MAN2A1: variants seen among roughly 807,000 people sequenced by gnomAD.
MAN2A1 encodes mannosidase alpha class 2A member 1, also known as alpha-mannosidase 2.
A neutral mutation model predicts 142.6 loss-of-function variants in MAN2A1; 76 were observed. That is an observed-to-expected ratio of 0.53 (90% CI 0.44 to 0.65). The LOEUF is 0.65. MAN2A1 is among the 30% of genes least tolerant of loss of function. The pLI is 0.00. For missense variants in MAN2A1, 1,311 were observed against 1,365.1 expected (o/e 0.96, Z 0.62); for synonymous variants, 559 against 473.2 (o/e 1.18, Z -2.35).
intron 1 of MAN2A1, among the ~76,000 whole-genome samples, chr5:109,710,279 T>C (rs1302391398): frequency 6.6e-6 from 1 of 152,198 alleles, no homozygotes; most frequent in East Asian, 1.9e-4. Flanking sequence ...ATGTTTATTT[T>C]GAATAATACT....
At chr5:109,708,397 G>T (rs889973288) in intron 1 of MAN2A1, among the ~76,000 whole-genome samples, 1 of 151,986 alleles carries the variant, frequency 6.6e-6, no homozygotes, top group African/African-American at 2.4e-5. Flanking sequence ...GGGGGATAAT[G>T]AGTAGAGAGA....
rs746060867 is a variant in MAN2A1, at chr5:109,770,403, G to A, written c.1058G>A (p.Ser353Asn). The A allele has an allele frequency of 2.5e-6, 4 of 1,613,996 alleles. No individual in the cohort carries two copies. The highest frequency in any genetic ancestry group is 3.4e-6 in the Non-Finnish European group (4 of 1,179,910). The change falls in exon 7 of 22, where the codon AGC becomes AAC. Residue 353 changes from serine (S) to asparagine (N), a missense_variant. This residue lies in a region of MAN2A1 where 12 missense variants were observed against 31.9 expected (regional missense o/e 0.38). Coordinates refer to ENST00000261483, the MANE Select transcript of MAN2A1 (RefSeq NM_002372.4). ...DILCHMMPFY[S>N]YDIPHTCGPD... ...TTATGCCACATGATGCCCTTCTACA[G>A]CTATGACATCCCTCACACTTGTGGA...
At chr5:109,841,133 C>G (rs1755192024) in intron 16 of MAN2A1, among the ~76,000 whole-genome samples, 1 of 152,086 alleles carries the variant, frequency 6.6e-6, no homozygotes, top group Admixed American at 6.5e-5. Context: ...TGTAATATCT[C>G]TCTCGCACCG....
chr5:109,846,174 C>T (rs1755340408), intron 18 of MAN2A1, among the ~76,000 whole-genome samples, 168 bp downstream of exon 18: 1 of 152,116 alleles, frequency 6.6e-6, no homozygotes, highest in Non-Finnish European at 1.5e-5. Context: ...TTTGTGAGAA[C>T]AACATAAAAA....
intron 4 of MAN2A1, among the ~76,000 whole-genome samples, chr5:109,730,762 C>A (rs1229853970): frequency 1.3e-5 from 2 of 152,082 alleles, no homozygotes; most frequent in African/African-American, 4.8e-5. Flanking sequence ...CAATTGTTAT[C>A]ATTGTTTTAC....
chr5:109,814,470 G>A (rs1259601577), intron 12 of MAN2A1, among the ~76,000 whole-genome samples: 1 of 152,148 alleles, frequency 6.6e-6, no homozygotes, highest in Non-Finnish European at 1.5e-5. Context: ...ATAGATAGGA[G>A]TTCGTGTGTC....
At chr5:109,712,686 G>C (rs534252148) in intron 1 of MAN2A1, among the ~76,000 whole-genome samples, 2 of 152,214 alleles carry the variant, frequency 1.3e-5, no homozygotes, top group Admixed American at 1.3e-4. Flanking sequence ...ACAGGGGCCC[G>C]TATCTTATGC....
chr5:109,855,108 A>G (rs780350226), intron 19 of MAN2A1, 32 bp from the exon 20 acceptor site: 9 of 1,223,658 alleles, frequency 7.4e-6, no homozygotes, highest in Middle Eastern at 2.0e-4. Context: ...GGAAATATAG[A>G]CCTCTTAAAC....
chr5:109,727,087 G>A (rs1421229179), intron 3 of MAN2A1, among the ~76,000 whole-genome samples: 1 of 152,160 alleles, frequency 6.6e-6, no homozygotes, highest in Non-Finnish European at 1.5e-5. Flanking sequence ...GTTGATATTT[G>A]ATAAAATAAA....
chr5:109,834,049 G>A (rs1350861322), intron 16 of MAN2A1, among the ~76,000 whole-genome samples: 1 of 152,168 alleles, frequency 6.6e-6, no homozygotes, highest in African/African-American at 2.4e-5. Flanking sequence ...AAGAAATAGA[G>A]TGGTGGAAAA....
At position 109,867,154 on chromosome 5, in the gene MAN2A1, T is replaced by TAAC; in HGVS notation, c.*158_*159insCAA. The stretch of plus-strand genomic sequence containing the variant: ...TTTCTTTTTTCTTTTACCAGTACAG[T>TAAC]AAGAAAAAAAAAAAAAAAAAAAAAG... On this transcript the variant is annotated 3_prime_UTR_variant, in exon 22 of 22. Transcript: ENST00000261483. 1 of 104,696 alleles carries TAAC rather than the reference T, an allele frequency of 9.6e-6. No individual in the cohort carries two copies. Among genetic ancestry groups the TAAC allele is most frequent in the Non-Finnish European group, 1.7e-5 (1 of 59,882 alleles). The allele number at this position is 104,696 out of a possible 1,614,324, so 6.5% of individuals were successfully genotyped here.
intron 1 of MAN2A1, among the ~76,000 whole-genome samples, chr5:109,702,393 GGAGA>G (rs778722087): frequency 1.1e-4 from 16 of 150,736 alleles, no homozygotes; most frequent in Non-Finnish European, 2.2e-4. Flanking sequence ...TGGTGGAGAG[GGAGA>G]GAGAGATTTA....
chr5:109,868,430 T>C lies in MAN2A1; in HGVS notation c.*1432T>C, dbSNP rs975297757. The C allele has an allele frequency of 1.3e-5, 2 of 152,228 alleles. No individual in the cohort carries two copies. Among genetic ancestry groups the C allele is most frequent in the Admixed American group, 6.5e-5 (1 of 15,284 alleles). 9.4% of individuals were successfully genotyped at this position (152,228 alleles called of 1,614,324 possible). ...TGCAATTTTAGCATAGAAAGGAGTCTTTGAGTATGTACAGTTTTGAAAATT... is the reference window on the plus strand; with the variant it reads ...TGCAATTTTAGCATAGAAAGGAGTCCTTGAGTATGTACAGTTTTGAAAATT... On this transcript the variant is annotated 3_prime_UTR_variant, in exon 22 of 22. Coordinates refer to ENST00000261483, the MANE Select transcript of MAN2A1 (RefSeq NM_002372.4).
chr5:109,866,989 G>C lies in MAN2A1; in HGVS notation c.3426G>C (p.Gln1142His), dbSNP rs1399515351. Residue 1142 changes from glutamine (Q) to histidine (H), a missense_variant, in exon 22 of 22, where the codon CAG becomes CAC. Gln to His is a conservative substitution (Grantham distance 24). Coordinates refer to ENST00000261483, the MANE Select transcript of MAN2A1 (RefSeq NM_002372.4). ...SPMEISTFRI[Q>H]LR ...TGGAAATCAGCACATTCCGAATCCA[G>C]TTGAGGTGAACCTGACTTTCACATT... 4 of 1,607,594 alleles carry C rather than the reference G, an allele frequency of 2.5e-6. No individual in the cohort carries two copies. The African/African-American group carries it at 4.0e-5, about 16-fold the overall frequency.
intron 17 of MAN2A1, among the ~76,000 whole-genome samples, chr5:109,844,840 G>A (rs1455460716): frequency 1.3e-5 from 2 of 152,132 alleles, no homozygotes; most frequent in African/African-American, 4.8e-5. Context: ...CATTAGGTTA[G>A]GTCCCAACAT....
rs766611241 is a variant in MAN2A1 at position 109,823,857 on chromosome 5, G to A, written c.2566+20G>A. 2.5e-6 allele frequency: 3 copies of A among 1,214,920 alleles called. No individual in the cohort carries two copies. The highest frequency in any genetic ancestry group is 5.0e-5 in the East Asian group (2 of 39,742). The allele number at this position is 1,214,920 out of a possible 1,614,324, so 75.3% of individuals were successfully genotyped here. ...TACAGGGTAAGAAAATAGGAATGCA[G>A]TTATGAAACATATGTATTATGGTTT... is the stretch of plus-strand genomic sequence containing the variant. On this transcript the variant is annotated intron_variant, in intron 16 of 21. Coordinates refer to ENST00000261483, the MANE Select transcript of MAN2A1 (RefSeq NM_002372.4).
intron 1 of MAN2A1, among the ~76,000 whole-genome samples, chr5:109,692,936 A>G (rs377705612): frequency 1.3e-5 from 2 of 152,088 alleles, no homozygotes; most frequent in African/African-American, 2.4e-5. Context: ...TCGTGCTCCT[A>G]TGAGAATCTA....
At chr5:109,695,920 G>A (rs1750798624) in intron 1 of MAN2A1, among the ~76,000 whole-genome samples, 1 of 152,150 alleles carries the variant, frequency 6.6e-6, no homozygotes. Context: ...TAATTGTACT[G>A]AAATGGAGCT....
chr5:109,782,573 G>C (rs947166045), intron 9 of MAN2A1, among the ~76,000 whole-genome samples: 2 of 152,084 alleles, frequency 1.3e-5, no homozygotes, highest in African/African-American at 4.8e-5. Flanking sequence ...GAGTTAGATT[G>C]TACTTACCGT....
Sources: gnomAD v4.1 joint callset for allele counts (sites outside exome capture counted in the v4.1 genomes callset) on GRCh38, gnomAD v4.1.1 for gene constraint, gnomAD v4.1.1 regional missense constraint, MANE v1.5 for transcripts, NCBI Gene and HGNC (gene_info 2026-07-23, HGNC 2026-07-21) for gene names.